The following CLINT1 variants were observed in gnomAD, a reference collection of about 807,000 sequenced individuals.
The protein encoded by CLINT1 is clathrin interacting protein localized in the trans-Golgi region.
In CLINT1, 15 loss-of-function variants were observed where a neutral mutation model predicts 70.4. The ratio of observed to expected loss-of-function variants is 0.21; its 90% confidence interval spans 0.14 to 0.33. The LOEUF (loss-of-function observed/expected upper bound fraction) is 0.33, where lower values mean the gene tolerates loss of function less well. CLINT1 is among the 10% of genes least tolerant of loss of function. The probability of loss-of-function intolerance (pLI) is 1.00; values close to 1 mark genes in which losing one functional copy is unlikely to be tolerated. For missense variants in CLINT1, 615 were observed against 778.1 expected (o/e 0.79, Z 2.49); for synonymous variants, 227 against 254.7 (o/e 0.89, Z 1.04).
Position 157,809,673 on chromosome 5 carries a change from C to T in CLINT1, c.650G>A (p.Ser217Asn). 6.2e-7 allele frequency: 1 copy of T among 1,613,094 alleles called. No homozygotes were observed. The highest frequency in any genetic ancestry group is 1.1e-5 in the South Asian group (1 of 90,938). Residue 217 changes from serine to asparagine, a missense_variant, in exon 6 of 12, where the codon AGC (serine) becomes AAC (asparagine). Ser to Asn is a conservative substitution (Grantham distance 46). This residue lies in a region of CLINT1 where 241 missense variants were observed against 368.6 expected (regional missense o/e 0.65). Transcript: ENST00000411809. ...TTCTCTATCTTTCCTCCGGAACTTG[C>T]TGATGGTGTCATCAATTGTGCTTCC... ...KIGSTIDDTI[S>N]KFRRKDREDS...
At chr5:157,816,391 C>A (rs1762722389) in intron 3 of CLINT1, among the ~76,000 whole-genome samples, 2 of 152,118 alleles carry the variant, frequency 1.3e-5, no homozygotes, top group South Asian at 4.1e-4. Context: ...ATGTCGATGA[C>A]AAACCATATC....
intron 1 of CLINT1, among the ~76,000 whole-genome samples, chr5:157,857,023 A>T (rs1473428601): frequency 2.0e-5 from 3 of 152,152 alleles, no homozygotes; most frequent in African/African-American, 7.2e-5. Flanking sequence ...AGTACCACAA[A>T]TTTGGTCCTC....
intron 1 of CLINT1, among the ~76,000 whole-genome samples, chr5:157,850,908 T>C (rs1215538381): frequency 3.3e-5 from 5 of 152,080 alleles, no homozygotes; most frequent in Non-Finnish European, 2.9e-5. Context: ...GATCCTCCCA[T>C]TTCAGCCTCC....
In CLINT1 at chr5:157,787,843, T is replaced by G; in HGVS notation, c.1681A>C (p.Met561Leu). Residue 561 changes from methionine to leucine, a missense_variant, in exon 12 of 12, where the codon ATG becomes CTG. Coordinates refer to ENST00000411809, the MANE Select transcript of CLINT1 (RefSeq NM_014666.4). ...GTATTTCCAAGAGGGGCCATTCCCATGGTGCCAGTCATCACATTGGGCATG... is the reference window on the plus strand; with the variant it reads ...GTATTTCCAAGAGGGGCCATTCCCAGGGTGCCAGTCATCACATTGGGCATG... ...MSMPNVMTGTMGMAPLGNTPM... is the reference protein window; with the variant it reads ...MSMPNVMTGTLGMAPLGNTPM... 2 of 1,613,938 alleles carry G rather than the reference T, an allele frequency of 1.2e-6. No individual in the cohort carries two copies. Among genetic ancestry groups the G allele is most frequent in the Non-Finnish European group, 1.7e-6 (2 of 1,179,868 alleles).
Position 157,787,009 on chromosome 5 carries a change from C to T in CLINT1, c.*637G>A, listed in dbSNP as rs1761745875. On this transcript the variant is annotated 3_prime_UTR_variant, in exon 12 of 12. Transcript: ENST00000411809. ...CATGGGAAAAGTCCCATGGCAATCACCAATTGCTTAAAGAGGTTTTGTTAC... is the reference window on the plus strand; with the variant it reads ...CATGGGAAAAGTCCCATGGCAATCATCAATTGCTTAAAGAGGTTTTGTTAC... 1 of 152,588 alleles carries T rather than the reference C, an allele frequency of 6.6e-6. No homozygotes were observed. Among genetic ancestry groups the T allele is most frequent in the African/African-American group, 2.4e-5 (1 of 41,416 alleles). 9.5% of individuals were successfully genotyped at this position (152,588 alleles called of 1,614,324 possible).
intron 1 of CLINT1, among the ~76,000 whole-genome samples, chr5:157,834,162 G>A (rs1211162): frequency 0.13 from 20,348 of 150,942 alleles, 1,787 homozygotes; most frequent in African/African-American, 0.25. Context: ...TCAGGAGTTC[G>A]AGACCAGCCT....
At chr5:157,818,634 G>T (rs1762792032) in intron 1 of CLINT1, among the ~76,000 whole-genome samples, 1 of 151,962 alleles carries the variant, frequency 6.6e-6, no homozygotes, top group Admixed American at 6.6e-5. Context: ...GGGCAATACA[G>T]CAAGACCCTG....
Position 157,787,861 on chromosome 5 carries a change from T to C in CLINT1, c.1663A>G (p.Asn555Asp). 2 of 1,613,928 alleles carry C rather than the reference T, an allele frequency of 1.2e-6. No homozygotes were observed. Among genetic ancestry groups the C allele is most frequent in the Non-Finnish European group, 1.7e-6 (2 of 1,179,862 alleles). Residue 555 changes from asparagine (N) to aspartate (D), a missense_variant, in exon 12 of 12, where the codon AAT (asparagine) becomes GAT (aspartate). Asn to Asp is a conservative substitution (Grantham distance 23). Around this residue, in one of 2 missense-constraint regions of CLINT1, gnomAD observed 374 missense variants for 409.6 expected, o/e 0.91. Transcript: ENST00000411809. ...IGGPMPMSMPNVMTGTMGMAP... is the reference protein window; with the variant it reads ...IGGPMPMSMPDVMTGTMGMAP... ...ATTCCCATGGTGCCAGTCATCACAT[T>C]GGGCATGCTCATAGGCATGGGTCCC...
At position 157,822,212 on chromosome 5, in the gene CLINT1, CTT is replaced by C. The variant is rs11344096; in HGVS notation, c.42-4667_42-4666del. On this transcript the variant is annotated intron_variant, in intron 1 of 11. Transcript: ENST00000411809. ...AGTAAGTCTCACAAGATTTGATGGT[CTT>C]TTTTTTTTTTTTATACTTTAAGTTC... Among the ~76,000 whole-genome samples, 298 of 143,668 alleles carry C rather than the reference CTT, an allele frequency of 2.1e-3. 2 individuals are homozygous for C. The highest frequency in any genetic ancestry group is 6.8e-3 in the African/African-American group (270 of 39,592). The allele number at this position is 143,668 out of a possible 152,430, so 94.3% of individuals were successfully genotyped here.
chr5:157,803,085 G>A (rs998358803), intron 8 of CLINT1, among the ~76,000 whole-genome samples: 1 of 152,236 alleles, frequency 6.6e-6, no homozygotes, highest in Non-Finnish European at 1.5e-5. Context: ...CTCTAGGCAT[G>A]CCCAAGGTGA....
chr5:157,842,333 AC>A (rs1206189383), intron 1 of CLINT1, among the ~76,000 whole-genome samples: 1 of 152,202 alleles, frequency 6.6e-6, no homozygotes, highest in Non-Finnish European at 1.5e-5. Flanking sequence ...TCAATAATAC[AC>A]AAAAATACCC....
intron 8 of CLINT1, among the ~76,000 whole-genome samples, chr5:157,796,868 A>C (rs1762083288): frequency 6.6e-6 from 1 of 151,602 alleles, no homozygotes; most frequent in African/African-American, 2.4e-5. Flanking sequence ...TTCACCACAG[A>C]TGCACATGCT....
intron 1 of CLINT1, among the ~76,000 whole-genome samples, chr5:157,840,082 C>A (rs1172532049): frequency 6.6e-6 from 1 of 150,682 alleles, no homozygotes; most frequent in African/African-American, 2.4e-5. Flanking sequence ...ATAGTCCCAG[C>A]TACTCAGGAG....
intron 1 of CLINT1, among the ~76,000 whole-genome samples, chr5:157,855,711 G>A (rs1331212158): frequency 6.6e-6 from 1 of 152,144 alleles, no homozygotes; most frequent in Non-Finnish European, 1.5e-5. Context: ...GAGATGGGTG[G>A]ATCACCTGAG....
intron 1 of CLINT1, among the ~76,000 whole-genome samples, chr5:157,836,195 C>A (rs896782215): frequency 2.0e-5 from 3 of 152,194 alleles, no homozygotes; most frequent in African/African-American, 7.2e-5. Flanking sequence ...ATACACATAA[C>A]TCTAATGGGC....
At chr5:157,820,996 C>T (rs150747703) in intron 1 of CLINT1, among the ~76,000 whole-genome samples, 3 of 152,228 alleles carry the variant, frequency 2.0e-5, no homozygotes, top group African/African-American at 7.2e-5. Flanking sequence ...AAGTGACTTA[C>T]GGACTTTCAC....
At chr5:157,853,606 G>A (rs757870670) in intron 1 of CLINT1, among the ~76,000 whole-genome samples, 48 of 149,672 alleles carry the variant, frequency 3.2e-4, no homozygotes, top group Non-Finnish European at 4.8e-4. Context: ...ACGAAATCTC[G>A]TCTCTACTAA....
At chr5:157,788,671 GA>G (rs756686448) in intron 11 of CLINT1, among the ~76,000 whole-genome samples, 2 of 152,118 alleles carry the variant, frequency 1.3e-5, no homozygotes, top group Non-Finnish European at 2.9e-5. Flanking sequence ...AATATGCTTA[GA>G]AAAGATGGAA....
intron 1 of CLINT1, among the ~76,000 whole-genome samples, chr5:157,840,213 A>AAAAAAAAAAAAAAAAAAAAAAAAAAAC (rs1554102281): frequency 7.1e-6 from 1 of 141,476 alleles, no homozygotes; most frequent in African/African-American, 2.7e-5. Context: ...AAAAAAAAAA[A>AAAAAAAAAAAAAAAAAAAAAAAAAAAC]GGAAAAAAGA....
Sources: gnomAD v4.1 joint callset for allele counts (sites outside exome capture counted in the v4.1 genomes callset) on GRCh38, gnomAD v4.1.1 for gene constraint, gnomAD v4.1.1 regional missense constraint, MANE v1.5 for transcripts, NCBI Gene and HGNC (gene_info 2026-07-23, HGNC 2026-07-21) for gene names.